CDK12: variants seen among roughly 807,000 people sequenced by gnomAD.
CDK12 encodes the protein cyclin-dependent kinase 12.
In CDK12, 17 loss-of-function variants were observed where a neutral mutation model predicts 133.8. The ratio of observed to expected loss-of-function variants is 0.13; its 90% CI spans 0.09 to 0.19. The LOEUF (loss-of-function observed/expected upper bound fraction) is 0.19, where lower values mean the gene tolerates loss of function less well. Ranked by LOEUF, CDK12 falls within the 10% of genes least tolerant of loss-of-function variation. CDK12 has a pLI of 1.00. For synonymous variants in CDK12, 694 were observed against 683.6 expected, an observed-to-expected ratio of 1.02 and a Z score of -0.24; for missense variants, 1,508 against 1,818.7, an observed-to-expected ratio of 0.83 and a Z score of 3.11.
At chr17:39,537,175 C>G (rs930805502), downstream of CDK12, among the ~76,000 whole-genome samples, 2 of 152,090 alleles carry the variant, frequency 1.3e-5, no homozygotes, top group East Asian at 1.9e-4. Flanking sequence ...GATGGACTCT[C>G]TAGGAGGGGA....
chr17:39,490,878 A>G, intron 3 of CDK12, 145 bp downstream of exon 3: 1 of 558,172 alleles, frequency 1.8e-6, no homozygotes, highest in Non-Finnish European at 2.9e-6. Context: ...TTAATGGACA[A>G]AAGCCTTTCT....
chr17:39,477,298 C>T (rs543042414), intron 2 of CDK12, among the ~76,000 whole-genome samples: 5 of 152,172 alleles, frequency 3.3e-5, no homozygotes, highest in South Asian at 2.1e-4. Flanking sequence ...TGTAGTGGCG[C>T]GATCTTGGCT....
intron 4 of CDK12, 118 bp from the exon 5 acceptor site, chr17:39,494,406 C>T (rs1453848508): frequency 2.9e-5 from 23 of 782,312 alleles, no homozygotes; most frequent in East Asian, 2.9e-4. Context: ...ATAAGTATCT[C>T]GTGTAAGCAT....
intron 1 of CDK12, among the ~76,000 whole-genome samples, chr17:39,466,273 A>G (rs185280429): frequency 6.8e-6 from 1 of 146,662 alleles, no homozygotes; most frequent in South Asian, 2.1e-4. Flanking sequence ...ACGCCACTGC[A>G]CTCCAGCCTG....
chr17:39,480,272 T>TC (rs1465954236), intron 2 of CDK12, among the ~76,000 whole-genome samples: 1 of 147,942 alleles, frequency 6.8e-6, no homozygotes, highest in Non-Finnish European at 1.5e-5. Context: ...TACTTTTTTT[T>TC]TTTTTTTCCG....
At chr17:39,538,574 C>T (rs918558888), downstream of CDK12, among the ~76,000 whole-genome samples, 1 of 152,136 alleles carries the variant, frequency 6.6e-6, no homozygotes, top group Non-Finnish European at 1.5e-5. Context: ...TGATTAGCAC[C>T]TTGAGGCTAA....
chr17:39,557,274 G>A (rs1424709202), intron 3 of CDK12, among the ~76,000 whole-genome samples: 2 of 152,168 alleles, frequency 1.3e-5, no homozygotes, highest in South Asian at 2.1e-4. Context: ...CACCCTGAGC[G>A]CAGCACTAAG....
At chr17:39,480,632 A>C (rs944228718) in intron 2 of CDK12, among the ~76,000 whole-genome samples, 13 of 151,952 alleles carry the variant, frequency 8.6e-5, no homozygotes, top group Admixed American at 6.6e-4. Context: ...CACGTTGGCC[A>C]GGCTGATCTC....
At chr17:39,508,589 A>G (rs533229607) in intron 6 of CDK12, among the ~76,000 whole-genome samples, 2 of 152,220 alleles carry the variant, frequency 1.3e-5, no homozygotes, top group African/African-American at 4.8e-5. Flanking sequence ...TACTTAGGCG[A>G]TGGGTCAATA....
intron 1 of CDK12, among the ~76,000 whole-genome samples, chr17:39,466,353 G>A (rs1374764375): frequency 3.3e-5 from 5 of 149,348 alleles, no homozygotes; most frequent in Non-Finnish European, 7.4e-5. Flanking sequence ...AGTGGATCAC[G>A]CCTGTAATCC....
intron 1 of CDK12, among the ~76,000 whole-genome samples, chr17:39,463,806 C>T (rs2049111604): frequency 6.6e-6 from 1 of 151,862 alleles, no homozygotes. Flanking sequence ...TTCTCTAAAA[C>T]ACATAGTAAT....
intron 1 of CDK12, among the ~76,000 whole-genome samples, chr17:39,464,537 G>A (rs2049160794): frequency 1.3e-5 from 2 of 151,686 alleles, no homozygotes; most frequent in South Asian, 4.2e-4. Flanking sequence ...GCTCATGCAT[G>A]GCTTTTGTAT....
chr17:39,527,864 T>C (rs1391966706), intron 13 of CDK12, among the ~76,000 whole-genome samples: 2 of 150,938 alleles, frequency 1.3e-5, no homozygotes, highest in African/African-American at 4.9e-5. Context: ...TTAAATTTAT[T>C]TTTACATTTC....
Position 39,462,592 on chromosome 17 carries a change from C to A in CDK12, c.521C>A (p.Ser174Tyr). ...GTAGCCAAAAGCAGCAGCAAGGAAT[C>A]CAGGTCATCCAAGCTCCACAAGGAG... ...AQVAKSSSKE[S>Y]RSSKLHKEKT... Residue 174 changes from serine to tyrosine, a missense_variant, in exon 1 of 14, where the codon TCC (serine) becomes TAC (tyrosine). Transcript: ENST00000447079. 6.2e-7 allele frequency: 1 copy of A among 1,614,102 alleles called. No homozygotes were observed. Among genetic ancestry groups the A allele is most frequent in the Non-Finnish European group, 8.5e-7 (1 of 1,180,026 alleles).
intron 3 of CDK12, among the ~76,000 whole-genome samples, chr17:39,491,846 TGGCTG>T (rs1195691528): frequency 6.7e-6 from 1 of 150,268 alleles, no homozygotes. Context: ...GATACAGGAG[TGGCTG>T]GGCGCGGTGG....
intron 7 of CDK12, among the ~76,000 whole-genome samples, chr17:39,510,321 A>G (rs1047039751): frequency 2.6e-5 from 4 of 151,652 alleles, no homozygotes; most frequent in Admixed American, 1.3e-4. Context: ...GGGTTTCACC[A>G]TGTTGGCCAG....
At position 39,471,010 on chromosome 17, in the gene CDK12, C is replaced by A. The variant is rs1567684609; in HGVS notation, c.1178C>A (p.Ser393Tyr). Residue 393 changes from serine to tyrosine, a missense_variant, in exon 2 of 14, where the codon TCC becomes TAC. Coordinates refer to ENST00000447079, the MANE Select transcript of CDK12 (RefSeq NM_016507.4). ...TCACCTGTCAGGCTTCCACTTAATT[C>A]CAGTCTGGGAGCTGAACTCAGTAGG... ...SISPVRLPLN[S>Y]SLGAELSRKK... The A allele has an allele frequency of 6.2e-7, 1 of 1,614,018 alleles. No homozygotes were observed. Among genetic ancestry groups the A allele is most frequent in the Non-Finnish European group, 8.5e-7 (1 of 1,180,034 alleles).
chr17:39,481,683 T>C (rs1211137734), intron 2 of CDK12, among the ~76,000 whole-genome samples: 1 of 12,776 alleles, frequency 7.8e-5, no homozygotes, highest in African/African-American at 1.6e-4. Flanking sequence ...TCTCTCTCTC[T>C]CTCTCTCTCT....
At chr17:39,511,098 C>T (rs1448324070) in intron 7 of CDK12, among the ~76,000 whole-genome samples, 1 of 149,918 alleles carries the variant, frequency 6.7e-6, no homozygotes, top group Non-Finnish European at 1.5e-5. Context: ...GCCTGTAGTC[C>T]CAGCTACTTG....
Sources: gnomAD v4.1 joint callset for allele counts (sites outside exome capture counted in the v4.1 genomes callset) on GRCh38, gnomAD v4.1.1 for gene constraint, MANE v1.5 for transcripts, NCBI Gene and HGNC (gene_info 2026-07-23, HGNC 2026-07-21) for gene names.